The following ZNF366 variants were observed in gnomAD, a reference collection of about 807,000 sequenced individuals.
ZNF366 encodes dendritic cell-specific transcript protein.
Under a neutral mutation model 47.2 loss-of-function variants are expected in ZNF366, and 20 were observed. The ratio of observed to expected loss-of-function variants is 0.42; its 90% confidence interval spans 0.30 to 0.62. The LOEUF (loss-of-function observed/expected upper bound fraction) is 0.62. Among genes scored for constraint, ZNF366 ranks in the 20% least tolerant of loss-of-function variants. The probability of loss-of-function intolerance (pLI) is 0.16; values close to 1 mark genes in which losing one functional copy is unlikely to be tolerated. For missense variants in ZNF366, 987 were observed against 976.3 expected, an observed-to-expected ratio of 1.01 and a Z score of -0.15; for synonymous variants, 421 against 395.1, an observed-to-expected ratio of 1.07 and a Z score of -0.78.
chr5:72,475,420 A>AT (rs1353260907), intron 1 of ZNF366, among the ~76,000 whole-genome samples: 1 of 152,144 alleles, frequency 6.6e-6, no homozygotes, highest in Admixed American at 6.5e-5. Flanking sequence ...AGGACCATAG[A>AT]TTTTCTAAGC....
intron 1 of ZNF366, among the ~76,000 whole-genome samples, chr5:72,489,599 C>T (rs1038525362): frequency 6.6e-6 from 1 of 152,194 alleles, no homozygotes; most frequent in Non-Finnish European, 1.5e-5. Context: ...TGATTTTTCC[C>T]AGCCCACACT....
At chr5:72,506,153 T>G (rs1247346453) in intron 1 of ZNF366, among the ~76,000 whole-genome samples, 1 of 152,220 alleles carries the variant, frequency 6.6e-6, no homozygotes, top group Non-Finnish European at 1.5e-5. Flanking sequence ...ACATCCCAGG[T>G]GATTTCAATC....
At chr5:72,444,342 G>A in intron 4 of ZNF366, 51 bp from the exon 5 acceptor site, 1 of 1,547,950 alleles carries the variant, frequency 6.5e-7, no homozygotes. Context: ...CTGTGGAAAT[G>A]GGACCTTGAG....
rs905839267 is a variant in ZNF366, at chr5:72,445,291, G to A, written c.1700-1000C>T. Among the ~76,000 whole-genome samples the A allele has an allele frequency of 6.6e-5, 10 of 152,260 alleles. No individual in the cohort carries two copies. In the East Asian group the frequency reaches 1.9e-3, roughly 29 times the overall value. On this transcript the variant is annotated intron_variant, in intron 4 of 4. Coordinates refer to ENST00000318442, the MANE Select transcript of ZNF366 (RefSeq NM_152625.3). ...ATGAGCCAATAGTCAGGCCTCCAGG[G>A]ATGGGCGGGACACTGAGGAGGAGCA...
intron 3 of ZNF366, among the ~76,000 whole-genome samples, chr5:72,451,465 T>C (rs941407928): frequency 7.9e-5 from 12 of 152,264 alleles, no homozygotes; most frequent in African/African-American, 2.9e-4. Context: ...CTCCATTTTC[T>C]CTTCTGTATA....
chr5:72,451,326 T>G (rs1681024015), intron 3 of ZNF366, among the ~76,000 whole-genome samples: 1 of 152,234 alleles, frequency 6.6e-6, no homozygotes, highest in Admixed American at 6.5e-5. Flanking sequence ...GGAGGTAGAC[T>G]TCAAAATTTA....
chr5:72,446,033 T>C (rs974494045), intron 4 of ZNF366, among the ~76,000 whole-genome samples: 6 of 152,216 alleles, frequency 3.9e-5, no homozygotes, highest in Non-Finnish European at 8.8e-5. Context: ...TGTTTATGAA[T>C]ATGCTTGTCC....
At chr5:72,450,798 A>T (rs532669536) in intron 3 of ZNF366, among the ~76,000 whole-genome samples, 1 of 152,256 alleles carries the variant, frequency 6.6e-6, no homozygotes, top group East Asian at 1.9e-4. Context: ...ATCTGAAAAC[A>T]CCCAAGTGTA....
rs1386956045 is a variant in ZNF366 at position 72,461,213 on chromosome 5, ACTT to A, written c.281_283del (p.Glu94del). ...CTCCTCTGAGTGGAGGGCGAGGGTG[ACTT>A]CTTCTGCAGGGTGGTTATAGGGCAT... On this transcript the variant is annotated inframe_deletion, in exon 2 of 5. Transcript: ENST00000318442. 3 of 1,613,952 alleles carry A rather than the reference ACTT, an allele frequency of 1.9e-6. No homozygotes were observed. Among genetic ancestry groups the A allele is most frequent in the Admixed American group, 1.7e-5 (1 of 59,996 alleles).
At chr5:72,504,555 A>G (rs1744284682) in intron 1 of ZNF366, among the ~76,000 whole-genome samples, 1 of 152,200 alleles carries the variant, frequency 6.6e-6, no homozygotes, top group African/African-American at 2.4e-5. Flanking sequence ...ATTAAACTCT[A>G]CACTCTTTTA....
intron 1 of ZNF366, among the ~76,000 whole-genome samples, chr5:72,500,823 G>C (rs1744199208): frequency 6.6e-6 from 1 of 152,216 alleles, no homozygotes; most frequent in East Asian, 1.9e-4. Flanking sequence ...TTGATCTGCA[G>C]TGGAGCTGGG....
chr5:72,504,196 G>C (rs1443701804), intron 1 of ZNF366, among the ~76,000 whole-genome samples: 1 of 152,170 alleles, frequency 6.6e-6, no homozygotes, highest in East Asian at 1.9e-4. Flanking sequence ...TGAGGAGAGA[G>C]AACCCCAAGT....
intron 1 of ZNF366, among the ~76,000 whole-genome samples, chr5:72,471,515 T>C (rs1031293687): frequency 2.0e-5 from 3 of 152,178 alleles, no homozygotes; most frequent in Non-Finnish European, 2.9e-5. Flanking sequence ...AAAAGGACTG[T>C]ATGGCTGGAG....
intron 1 of ZNF366, among the ~76,000 whole-genome samples, chr5:72,486,168 G>A (rs1232251836): frequency 6.6e-6 from 1 of 152,176 alleles, no homozygotes; most frequent in African/African-American, 2.4e-5. Flanking sequence ...ATATATTCCT[G>A]CTGCCTAAAA....
At chr5:72,468,238 C>T (rs1238125039) in intron 1 of ZNF366, among the ~76,000 whole-genome samples, 8 of 152,186 alleles carry the variant, frequency 5.3e-5, no homozygotes, top group Admixed American at 2.0e-4. Flanking sequence ...TGTTCTGCCT[C>T]GTCACTCTCT....
chr5:72,474,357 G>A (rs1286018851), intron 1 of ZNF366, among the ~76,000 whole-genome samples: 1 of 151,982 alleles, frequency 6.6e-6, no homozygotes, highest in Non-Finnish European at 1.5e-5. Flanking sequence ...TGCACACAAA[G>A]GAGAAAGGAC....
chr5:72,505,601 C>A (rs1744305739), intron 1 of ZNF366, among the ~76,000 whole-genome samples: 1 of 152,152 alleles, frequency 6.6e-6, no homozygotes, highest in African/African-American at 2.4e-5. Flanking sequence ...TGCTTTTACT[C>A]AGTAAACAAA....
Position 72,443,661 on chromosome 5 carries a change from T to A in ZNF366, c.*95A>T. On this transcript the variant is annotated 3_prime_UTR_variant, in exon 5 of 5. Transcript: ENST00000318442. ...CTAAGCCATTTGTAGAGATTGGTAC[T>A]ATTCGCCAGTCTCCAGAAAATGACA... The A allele has an allele frequency of 7.6e-7, 1 of 1,312,804 alleles. No individual in the cohort carries two copies. The allele number at this position is 1,312,804 out of a possible 1,614,324, so 81.3% of individuals were successfully genotyped here.
At chr5:72,489,936 C>T (rs1050845128) in intron 1 of ZNF366, among the ~76,000 whole-genome samples, 15 of 152,240 alleles carry the variant, frequency 9.9e-5, no homozygotes, top group African/African-American at 3.6e-4. Flanking sequence ...AGGATACAGG[C>T]ATCTCATGGG....
Sources: gnomAD v4.1 joint callset for allele counts (sites outside exome capture counted in the v4.1 genomes callset) on GRCh38, gnomAD v4.1.1 for gene constraint, MANE v1.5 for transcripts, NCBI Gene and HGNC (gene_info 2026-07-23, HGNC 2026-07-21) for gene names.